AKAP13: variants seen among roughly 807,000 people sequenced by gnomAD.
AKAP13 encodes the protein A-kinase anchor protein 13.
Under a neutral mutation model 264.5 loss-of-function variants are expected in AKAP13, and 80 were observed. The ratio of observed to expected loss-of-function variants is 0.30; its 90% CI spans 0.25 to 0.36. The LOEUF (loss-of-function observed/expected upper bound fraction) is 0.36, where lower values mean the gene tolerates loss of function less well. Among genes scored for constraint, AKAP13 ranks in the 10% least tolerant of loss-of-function variants. AKAP13 has a pLI of 1.00. For missense variants in AKAP13, 3,712 were observed against 3,435.2 expected (o/e 1.08, Z -2.01); for synonymous variants, 1,380 against 1,250.2 (o/e 1.10, Z -2.19).
intron 1 of AKAP13, among the ~76,000 whole-genome samples, chr15:85,424,892 G>A (rs958774480): frequency 6.6e-6 from 1 of 152,194 alleles, no homozygotes; most frequent in Non-Finnish European, 1.5e-5. Context: ...CAAGAAGAGG[G>A]AGAGAGATGG....
chr15:85,646,761 A>G (rs1038445481), intron 10 of AKAP13, among the ~76,000 whole-genome samples: 1 of 152,182 alleles, frequency 6.6e-6, no homozygotes, highest in African/African-American at 2.4e-5. Context: ...GAGCCCTTCC[A>G]CATGAATCAG....
rs377320449 is a variant in AKAP13 at position 85,571,770 on chromosome 15, T to C, written c.663-3361T>C. ...GGCACATACATACTTGCTGAATGAA[T>C]GGATGATGGGACTTACCCAGACCTG... On this transcript the variant is annotated intron_variant, in intron 5 of 36. Transcript: ENST00000394518. 1.8e-4 allele frequency among the ~76,000 whole-genome samples: 28 copies of C among 152,342 alleles called. No individual in the cohort carries two copies. The East Asian group carries it at 4.8e-3, about 26-fold the overall frequency.
chr15:85,423,420 T>G (rs2072619721), intron 1 of AKAP13, among the ~76,000 whole-genome samples: 1 of 152,168 alleles, frequency 6.6e-6, no homozygotes, highest in African/African-American at 2.4e-5. Context: ...GCACCAAGAG[T>G]AGATTCCATG....
Position 85,724,066 on chromosome 15 carries a change from G to T in AKAP13, c.6745+746G>T, listed in dbSNP as rs10852054. Among the ~76,000 whole-genome samples the T allele has an allele frequency of 0.66, 100,728 of 151,926 alleles. 35,212 individuals are homozygous for T. The highest frequency in any genetic ancestry group is 0.78 in the Non-Finnish European group (52,689 of 67,976). ...AATAGCCTTGAATTATACCCACCCC[G>T]TCGCCCTGGCCTCAGTGAGCTGAGG... On this transcript the variant is annotated intron_variant, in intron 26 of 36. Coordinates refer to ENST00000394518, the MANE Select transcript of AKAP13 (RefSeq NM_007200.5). This position sits in a 1 kb window ranked among gnomAD's most constrained non-coding sequence, Gnocchi z 4.2.
rs1345787602 is a variant in AKAP13 at position 85,579,231 on chromosome 15, T to C, written c.1163T>C (p.Ile388Thr). ...GGGGAAGAGGTGGAGCCAGCACCTA[T>C]TGTGGACTCTGGAACTGTATCTGAT... ...RKGEEVEPAP[I>T]VDSGTVSDQD... Residue 388 changes from isoleucine (I) to threonine (T), a missense_variant, in exon 7 of 37, where the codon ATT (isoleucine) becomes ACT (threonine). Transcript: ENST00000394518. 3 of 1,614,192 alleles carry C rather than the reference T, an allele frequency of 1.9e-6. No homozygotes were observed. The highest frequency in any genetic ancestry group is 1.7e-5 in the Admixed American group (1 of 60,024).
intron 14 of AKAP13, among the ~76,000 whole-genome samples, chr15:85,678,250 A>G (rs565339194): frequency 1.3e-5 from 2 of 152,336 alleles, no homozygotes; most frequent in South Asian, 2.1e-4. Context: ...TGAGTCTGAG[A>G]CAATTACCAT....
intron 1 of AKAP13, among the ~76,000 whole-genome samples, chr15:85,394,244 T>C (rs904988345): frequency 6.6e-6 from 1 of 152,238 alleles, no homozygotes; most frequent in Non-Finnish European, 1.5e-5. Context: ...ACATCTTTTC[T>C]TACCTGCCTA....
chr15:85,554,295 A>G (rs759828705), intron 5 of AKAP13, among the ~76,000 whole-genome samples: 3 of 152,242 alleles, frequency 2.0e-5, no homozygotes, highest in Non-Finnish European at 2.9e-5. Context: ...AAACAAGAAC[A>G]TGTTTATAAA....
chr15:85,458,379 A>ATTTTTTT (rs937688611), intron 1 of AKAP13, among the ~76,000 whole-genome samples: 1 of 107,532 alleles, frequency 9.3e-6, no homozygotes, highest in Non-Finnish European at 1.7e-5. Flanking sequence ...CTTTTTTTGT[A>ATTTTTTT]TTTTTTGTTT....
At position 85,580,670 on chromosome 15, in the gene AKAP13, C is replaced by T; in HGVS notation, c.2602C>T (p.Leu868Phe). Reference protein sequence around the residue: ...HGMGNTSLTGLGGEHEGPAPP... With the variant: ...HGMGNTSLTGFGGEHEGPAPP... Reference sequence around the variant, plus strand: ...GATGGGGAATACCAGTCTCACAGGACTTGGTGGAGAGCATGAGGGTCCCGC... The same window carrying T: ...GATGGGGAATACCAGTCTCACAGGATTTGGTGGAGAGCATGAGGGTCCCGC... The change falls in exon 7 of 37, where the codon CTT becomes TTT. Residue 868 changes from leucine to phenylalanine, a missense_variant. Transcript: ENST00000394518. 5 of 1,614,206 alleles carry T rather than the reference C, an allele frequency of 3.1e-6. No individual in the cohort carries two copies. The highest frequency in any genetic ancestry group is 4.2e-6 in the Non-Finnish European group (5 of 1,180,036).
intron 3 of AKAP13, among the ~76,000 whole-genome samples, chr15:85,524,791 C>T (rs12910789): frequency 0.12 from 18,197 of 151,132 alleles, 1,537 homozygotes; most frequent in South Asian, 0.34. Flanking sequence ...CTTTTTTTTG[C>T]GTGTTTTGTA....
chr15:85,706,430 C>T (rs550766470), intron 17 of AKAP13, among the ~76,000 whole-genome samples: 2 of 152,306 alleles, frequency 1.3e-5, no homozygotes, highest in Admixed American at 1.3e-4. Flanking sequence ...GATAGAATCA[C>T]AGCAGAGGGA....
chr15:85,568,327 A>G (rs1339815661), intron 5 of AKAP13, among the ~76,000 whole-genome samples: 2 of 152,022 alleles, frequency 1.3e-5, no homozygotes, highest in South Asian at 2.1e-4. Context: ...GTCACAAGAG[A>G]GTAATATAAT....
chr15:85,733,696 C>A (rs1376286038), intron 30 of AKAP13, among the ~76,000 whole-genome samples: 1 of 151,852 alleles, frequency 6.6e-6, no homozygotes, highest in East Asian at 1.9e-4. Context: ...CTTTCACCTT[C>A]TTTTTTATTA....
At chr15:85,612,006 A>G (rs2080652871) in intron 8 of AKAP13, among the ~76,000 whole-genome samples, 1 of 152,222 alleles carries the variant, frequency 6.6e-6, no homozygotes, top group African/African-American at 2.4e-5. Flanking sequence ...CATTTTGTTC[A>G]CTGCCGTATC....
At chr15:85,564,042 C>T (rs549523416) in intron 5 of AKAP13, among the ~76,000 whole-genome samples, 11 of 152,056 alleles carry the variant, frequency 7.2e-5, no homozygotes, top group South Asian at 2.1e-4. Flanking sequence ...TCTCTGAAAC[C>T]GGAATACTAC....
At chr15:85,563,049 C>T (rs1040694931) in intron 5 of AKAP13, among the ~76,000 whole-genome samples, 1 of 151,848 alleles carries the variant, frequency 6.6e-6, no homozygotes, top group Non-Finnish European at 1.5e-5. Context: ...AACTCTGGCT[C>T]ATAGAAGCGA....
At position 85,736,421 on chromosome 15, in the gene AKAP13, TTTTGTTTGTTTGTTTG is replaced by T. The variant is rs145901490; in HGVS notation, c.7557+304_7557+319del. Among the ~76,000 whole-genome samples, 1,391 of 143,574 alleles carry T rather than the reference TTTTGTTTGTTTGTTTG, an allele frequency of 9.7e-3. 18 individuals are homozygous for T. Among genetic ancestry groups the T allele is most frequent in the African/African-American group, 0.033 (1,335 of 41,068 alleles). The allele number at this position is 143,574 out of a possible 152,430, so 94.2% of individuals were successfully genotyped here. ...TCCTTAAGGAAGCCTCTTGCTGTTT[TTTTGTTTGTTTGTTTG>T]TTTGTTTGTTTGTTTGAGATGGGGT... On this transcript the variant is annotated intron_variant, in intron 33 of 36. Transcript: ENST00000394518.
chr15:85,625,054 T>C (rs1186787766), intron 8 of AKAP13, among the ~76,000 whole-genome samples: 1 of 152,218 alleles, frequency 6.6e-6, no homozygotes, highest in Admixed American at 6.5e-5. Flanking sequence ...CCAATGACTA[T>C]GTTTTGTAGC....
Sources: gnomAD v4.1 joint callset for allele counts (sites outside exome capture counted in the v4.1 genomes callset) on GRCh38, gnomAD v4.1.1 for gene constraint, Gnocchi (gnomAD v3.1) non-coding constraint, MANE v1.5 for transcripts, NCBI Gene and HGNC (gene_info 2026-07-23, HGNC 2026-07-21) for gene names.